The following HDAC7 variants were observed in gnomAD, a reference collection of about 807,000 sequenced individuals.
HDAC7 encodes histone deacetylase 7A.
Under a neutral mutation model 115.5 loss-of-function variants are expected in HDAC7, and 26 were observed. The observed-to-expected ratio is 0.23, with a 90% CI of 0.16 to 0.31. The LOEUF (loss-of-function observed/expected upper bound fraction) is 0.31, where lower values mean the gene tolerates loss of function less well. Among genes scored for constraint, HDAC7 ranks in the 10% least tolerant of loss-of-function variants. The probability of loss-of-function intolerance (pLI) is 1.00; values close to 1 mark genes in which losing one functional copy is unlikely to be tolerated. For missense variants in HDAC7, 1,068 were observed against 1,329.0 expected, an observed-to-expected ratio of 0.80 and a Z score of 3.05; for synonymous variants, 564 against 550.9, an observed-to-expected ratio of 1.02 and a Z score of -0.33.
upstream of HDAC7, among the ~76,000 whole-genome samples, chr12:47,820,855 A>C (rs1170002200): frequency 3.9e-5 from 6 of 151,994 alleles, no homozygotes; most frequent in Admixed American, 6.5e-5. This position sits in a 1 kb window ranked among gnomAD's most constrained non-coding sequence, Gnocchi z 4.3. Flanking sequence ...GCCCTCCCTC[A>C]GCTAATAAAC....
chr12:47,785,056 G>C (rs969106196), intron 24 of HDAC7: 1 of 560,620 alleles, frequency 1.8e-6, no homozygotes, highest in Middle Eastern at 4.7e-4. Flanking sequence ...TGAGGGGAGG[G>C]ATGGGAACCA....
At chr12:47,813,702 G>A (rs959023979) in intron 1 of HDAC7, among the ~76,000 whole-genome samples, 3 of 152,228 alleles carry the variant, frequency 2.0e-5, no homozygotes, top group African/African-American at 7.2e-5. Context: ...TCCCCATCCT[G>A]CTGTGGGGGC....
At position 47,789,904 on chromosome 12, in the gene HDAC7, A is replaced by C. The variant is rs761591813; in HGVS notation, c.2000T>G (p.Ile667Ser). The C allele has an allele frequency of 6.2e-7, 1 of 1,613,028 alleles. No homozygotes were observed. Among genetic ancestry groups the C allele is most frequent in the East Asian group, 2.2e-5 (1 of 44,872 alleles). ...CGGVGVDTDT[I>S]WNELHSSNAA... ...ATTGGAGGAATGAAGCTCATTCCAG[A>C]TGGTGTCAGTGTCCACCTGCGGGAG... The change falls in exon 17 of 26, where the codon ATC becomes AGC. Residue 667 changes from isoleucine to serine, a missense_variant. Around this residue, in one of 6 missense-constraint regions of HDAC7, gnomAD observed 182 missense variants for 301.1 expected, o/e 0.60. Transcript: ENST00000080059.
intron 22 of HDAC7, 93 bp downstream of exon 22, chr12:47,786,492 C>A: frequency 2.3e-6 from 2 of 884,608 alleles, no homozygotes; most frequent in Non-Finnish European, 1.9e-6. Flanking sequence ...CTGGCCACTG[C>A]CACCTTCCCT....
In HDAC7 at chr12:47,791,955, G is replaced by A; in HGVS notation, c.1728C>T (p.Asp576=). The change falls in exon 14 of 26, where the codon GAC becomes GAT. Residue 576 remains aspartate, a synonymous_variant. Coordinates refer to ENST00000080059, the MANE Select transcript of HDAC7 (RefSeq NM_015401.5). ...VMLKHQCSCG[D]NSRHPEHAGR... ...CGGCGTGCTCCGGGTGCCTGCTGTT[G>A]TCACCGCAGGAGCACTGGTGCTTCA... 1.9e-6 allele frequency: 3 copies of A among 1,611,558 alleles called. No individual in the cohort carries two copies. Among genetic ancestry groups the A allele is most frequent in the Non-Finnish European group, 2.5e-6 (3 of 1,179,402 alleles).
At chr12:47,800,973 G>C (rs1365493268) in intron 2 of HDAC7, among the ~76,000 whole-genome samples, 2 of 152,186 alleles carry the variant, frequency 1.3e-5, no homozygotes, top group Non-Finnish European at 2.9e-5. Flanking sequence ...CCTCCACCTT[G>C]GCCATCAGCT....
chr12:47,814,508 C>T (rs1944795732), intron 1 of HDAC7, among the ~76,000 whole-genome samples: 1 of 152,196 alleles, frequency 6.6e-6, no homozygotes, highest in African/African-American at 2.4e-5. Context: ...GCCTCCTTCT[C>T]AACATTCAGT....
rs772447532 is a variant in HDAC7, at chr12:47,784,045, G to A, written c.2930+34C>T. Reference sequence around the variant, plus strand: ...GCAGGGAGGAATGAAGCGGTGGAGAGGCTGTGGGCCCAGGGCCAGGGGTCT... The same window carrying A: ...GCAGGGAGGAATGAAGCGGTGGAGAAGCTGTGGGCCCAGGGCCAGGGGTCT... On this transcript the variant is annotated intron_variant, in intron 25 of 25. Transcript: ENST00000080059. The A allele has an allele frequency of 4.3e-6, 7 of 1,609,660 alleles. No homozygotes were observed. In the African/African-American group the frequency reaches 9.4e-5, roughly 22 times the overall value.
chr12:47,813,094 C>T (rs1944738789), intron 1 of HDAC7: 1 of 152,338 alleles, frequency 6.6e-6, no homozygotes, highest in Admixed American at 6.5e-5. Flanking sequence ...CCGCCGCCCG[C>T]CCCGCCTCCA....
At chr12:47,786,733 G>C (rs114734846) in intron 21 of HDAC7, 30 bp from the exon 22 acceptor site, 1 of 1,573,822 alleles carries the variant, frequency 6.4e-7, no homozygotes. Context: ...GGCGATCATC[G>C]TACTGTGCAG....
chr12:47,795,762 G>A lies in HDAC7; in HGVS notation c.912C>T (p.Asp304=). The A allele has an allele frequency of 1.3e-6, 2 of 1,532,956 alleles. No homozygotes were observed. The highest frequency in any genetic ancestry group is 1.2e-5 in the South Asian group (1 of 81,056). 95.0% of individuals were successfully genotyped at this position (1,532,956 alleles called of 1,614,324 possible). The part of the protein sequence containing the change: ...TLGLPAPARA[D]SDRRTHPTLG... ...GAGTCGGATGGGTCCTGCGGTCACT[G>A]TCAGCCTGGGGGAGAGGCGGGAGAA... The change falls in exon 10 of 26, where the codon GAC becomes GAT. Residue 304 remains aspartate, a synonymous_variant. Coordinates refer to ENST00000080059, the MANE Select transcript of HDAC7 (RefSeq NM_015401.5). This position sits in a 1 kb window ranked among gnomAD's most constrained non-coding sequence, Gnocchi z 4.3.
intron 16 of HDAC7, chr12:47,790,817 G>A (rs562101493): frequency 2.7e-5 from 6 of 224,846 alleles, no homozygotes; most frequent in East Asian, 1.4e-4. Context: ...TGCTGGGATC[G>A]CCAAGGACAC....
At chr12:47,784,922 G>T in intron 24 of HDAC7, 1 of 666,872 alleles carries the variant, frequency 1.5e-6, no homozygotes, top group Middle Eastern at 3.2e-4. Context: ...TATGGGTCTT[G>T]ACATAAGATG....
At chr12:47,820,752 G>A (rs979069216), upstream of HDAC7, 1 of 148,112 alleles carries the variant, frequency 6.8e-6, no homozygotes, top group African/African-American at 2.5e-5. This position sits in a 1 kb window ranked among gnomAD's most constrained non-coding sequence, Gnocchi z 4.3. Flanking sequence ...GTCCCTATGA[G>A]TCAAACTTCA....
At position 47,791,865 on chromosome 12, in the gene HDAC7, C is replaced by T. The variant is rs370675194; in HGVS notation, c.1812+6G>A. 91 of 1,610,976 alleles carry T rather than the reference C, an allele frequency of 5.6e-5. No homozygotes were observed. The highest frequency in any genetic ancestry group is 6.4e-5 in the Non-Finnish European group (75 of 1,179,478). On this transcript the variant is annotated splice_donor_region_variant and intron_variant, in intron 14 of 25. Transcript: ENST00000080059. ...CATTCCTCGGGCCCCACCCGCGCCT[C>T]CTCACCTCACACTGGCTCCGGAGCC...
rs1054884934 is a variant in HDAC7, at chr12:47,797,857, T to G, written c.461+251A>C. ...ATGTGCAAGAAAAAAGCCAGTAGGG[T>G]GTGTGTGTGTGTGTGTGTGTGTGTG... On this transcript the variant is annotated intron_variant, in intron 5 of 25. Transcript: ENST00000080059. The surrounding 1 kb of genome is among the most constrained non-coding windows in gnomAD (Gnocchi z 5.5). Among the ~76,000 whole-genome samples the G allele has an allele frequency of 2.3e-4, 26 of 114,548 alleles. No individual in the cohort carries two copies. Among genetic ancestry groups the G allele is most frequent in the African/African-American group, 7.4e-4 (16 of 21,600 alleles). 75.1% of individuals were successfully genotyped at this position (114,548 alleles called of 152,430 possible). A position where few individuals can be genotyped will look rare whatever the true frequency, so the allele number is the denominator to read the frequency against.
At chr12:47,802,308 G>A in intron 1 of HDAC7, 34 bp from the exon 2 acceptor site, 1 of 1,607,876 alleles carries the variant, frequency 6.2e-7, no homozygotes. Flanking sequence ...AAGAGCTGCA[G>A]GGAGGGGTGA....
chr12:47,802,162 AC>A, intron 2 of HDAC7, 61 bp downstream of exon 2: 1 of 1,528,550 alleles, frequency 6.5e-7, no homozygotes, highest in Non-Finnish European at 8.9e-7. Flanking sequence ...TCGCGTTCTT[AC>A]AGCCTTTCCA....
Position 47,795,372 on chromosome 12 carries a change from G to A in HDAC7, c.1096C>T (p.Leu366Phe). 1 of 1,597,850 alleles carries A rather than the reference G, an allele frequency of 6.3e-7. No homozygotes were observed. Among genetic ancestry groups the A allele is most frequent in the Non-Finnish European group, 8.5e-7 (1 of 1,171,896 alleles). Residue 366 changes from leucine to phenylalanine, a missense_variant, in exon 11 of 26, where the codon CTT (leucine) becomes TTT (phenylalanine). This residue lies in a region of HDAC7 where 618 missense variants were observed against 701.5 expected (regional missense o/e 0.88). Transcript: ENST00000080059. This position sits in a 1 kb window ranked among gnomAD's most constrained non-coding sequence, Gnocchi z 4.3. The stretch of plus-strand genomic sequence containing the variant: ...GCAAAGTGGAAGGGCAAGGGCCCAA[G>A]CCCGGGCACTGGAAAGAATCGGGGG... ...SHAPLLTVPG[L>F]GPLPFHFAQS... is the part of the protein sequence containing the mutation.
Sources: gnomAD v4.1 joint callset for allele counts (sites outside exome capture counted in the v4.1 genomes callset) on GRCh38, gnomAD v4.1.1 for gene constraint, gnomAD v4.1.1 regional missense constraint, Gnocchi (gnomAD v3.1) non-coding constraint, MANE v1.5 for transcripts, NCBI Gene and HGNC (gene_info 2026-07-23, HGNC 2026-07-21) for gene names.